EPB41L4A: variants seen among roughly 807,000 people sequenced by gnomAD.
EPB41L4A encodes band 4.1-like protein 4A.
EPB41L4A carries 100 observed loss-of-function variants against 108.6 expected under a neutral mutation model. The observed-to-expected ratio is 0.92, with a 90% CI of 0.78 to 1.09. The LOEUF (loss-of-function observed/expected upper bound fraction) is 1.09. Ranked by LOEUF, EPB41L4A falls within the 50% of genes least tolerant of loss-of-function variation. The probability of loss-of-function intolerance (pLI) is 0.00; values close to 1 mark genes in which losing one functional copy is unlikely to be tolerated. For synonymous variants in EPB41L4A, 319 were observed against 289.0 expected (o/e 1.10, Z -1.05); for missense variants, 1,030 against 842.7 (o/e 1.22, Z -2.75).
intron 1 of EPB41L4A, among the ~76,000 whole-genome samples, chr5:112,401,677 C>T (rs1476049240): frequency 6.6e-6 from 1 of 152,132 alleles, no homozygotes; most frequent in African/African-American, 2.4e-5. Context: ...TTTCCTCCTA[C>T]AACAGAAATC....
intron 6 of EPB41L4A, among the ~76,000 whole-genome samples, chr5:112,263,075 G>A (rs1230504079): frequency 1.3e-5 from 2 of 152,260 alleles, no homozygotes; most frequent in Admixed American, 6.5e-5. Flanking sequence ...ATTGATTAAC[G>A]TACAGAGATT....
intron 12 of EPB41L4A, among the ~76,000 whole-genome samples, chr5:112,149,837 T>C (rs1011929186): frequency 2.0e-5 from 3 of 152,192 alleles, no homozygotes; most frequent in Non-Finnish European, 4.4e-5. Context: ...AGCTGGGATT[T>C]GCCTGGGACA....
chr5:112,289,945 G>A (rs1269759919), intron 2 of EPB41L4A, among the ~76,000 whole-genome samples: 1 of 152,188 alleles, frequency 6.6e-6, no homozygotes, highest in Non-Finnish European at 1.5e-5. Context: ...CTTCATTCTT[G>A]TATTCAACAA....
intron 1 of EPB41L4A, among the ~76,000 whole-genome samples, chr5:112,336,340 T>A (rs1044986287): frequency 1.3e-5 from 2 of 151,926 alleles, no homozygotes; most frequent in African/African-American, 2.4e-5. Flanking sequence ...TTAGGTGGAG[T>A]AAGGCGCTTT....
intron 18 of EPB41L4A, among the ~76,000 whole-genome samples, chr5:112,173,126 T>A (rs7717160): frequency 0.74 from 111,905 of 152,134 alleles, 42,250 homozygotes; most frequent in East Asian, 1. Context: ...AAGCCAAGTT[T>A]TTGTAAAGAT....
intron 1 of EPB41L4A, among the ~76,000 whole-genome samples, chr5:112,363,927 A>G (rs1758949163): frequency 6.6e-6 from 1 of 152,240 alleles, no homozygotes; most frequent in African/African-American, 2.4e-5. Flanking sequence ...AAAATAGTCA[A>G]TAATGAAGTT....
At chr5:112,406,999 T>C (rs1341180434) in intron 1 of EPB41L4A, among the ~76,000 whole-genome samples, 1 of 152,080 alleles carries the variant, frequency 6.6e-6, no homozygotes, top group African/African-American at 2.4e-5. Flanking sequence ...TTGGGTAGCA[T>C]CGTGGGGCTG....
At chr5:112,235,547 C>A (rs1334995989) in intron 11 of EPB41L4A, among the ~76,000 whole-genome samples, 1 of 152,168 alleles carries the variant, frequency 6.6e-6, no homozygotes, top group Non-Finnish European at 1.5e-5. Context: ...ACCACAAGTA[C>A]AGCCATCTAT....
At chr5:112,254,096 T>C (rs1443046413) in intron 9 of EPB41L4A, among the ~76,000 whole-genome samples, 1 of 152,168 alleles carries the variant, frequency 6.6e-6, no homozygotes, top group Non-Finnish European at 1.5e-5. Context: ...CTGAGGTTAG[T>C]TTCCTGAGGT....
intron 15 of EPB41L4A, among the ~76,000 whole-genome samples, chr5:112,202,063 C>G (rs773747342): frequency 1.3e-5 from 2 of 152,128 alleles, no homozygotes; most frequent in Non-Finnish European, 2.9e-5. Context: ...CAGCTGGGTT[C>G]TAGTTAAGAG....
chr5:112,216,574 G>C (rs115315723), intron 12 of EPB41L4A, among the ~76,000 whole-genome samples: 2 of 151,946 alleles, frequency 1.3e-5, no homozygotes, highest in African/African-American at 4.8e-5. Flanking sequence ...GTTAAATCTT[G>C]TCCTACTTAA....
chr5:112,226,096 A>C (rs1462753518), intron 12 of EPB41L4A, among the ~76,000 whole-genome samples: 2 of 152,170 alleles, frequency 1.3e-5, no homozygotes, highest in Non-Finnish European at 2.9e-5. Flanking sequence ...TCAGATTGAC[A>C]CAAGCTCCAA....
Position 112,255,734 on chromosome 5 carries a change from A to T in EPB41L4A, c.795+3495T>A, listed in dbSNP as rs142827958. On this transcript the variant is annotated intron_variant, in intron 9 of 22. Coordinates refer to ENST00000261486, the MANE Select transcript of EPB41L4A (RefSeq NM_022140.5). ...GTGGCTTCAAAAAGTAGCAGATGCC[A>T]ATTTTATATATTCAAATTTATATAT... Among the ~76,000 whole-genome samples, 529 of 152,236 alleles carry T rather than the reference A, an allele frequency of 3.5e-3. 3 individuals carry two copies. The highest frequency in any genetic ancestry group is 0.012 in the African/African-American group (512 of 41,534).
chr5:112,377,243 G>C (rs1759880477), intron 1 of EPB41L4A, among the ~76,000 whole-genome samples: 1 of 150,596 alleles, frequency 6.6e-6, no homozygotes, highest in South Asian at 2.1e-4. Flanking sequence ...ACAATATGTG[G>C]AATCTTTGAG....
intron 12 of EPB41L4A, among the ~76,000 whole-genome samples, chr5:112,231,146 A>C (rs1748887142): frequency 6.6e-6 from 1 of 152,244 alleles, no homozygotes; most frequent in African/African-American, 2.4e-5. Context: ...GAAACAGCTT[A>C]AATATCCAAG....
At chr5:112,275,509 A>G in intron 3 of EPB41L4A, 105 bp from the exon 4 acceptor site, 1 of 1,289,992 alleles carries the variant, frequency 7.8e-7, no homozygotes, top group South Asian at 1.6e-5. Flanking sequence ...GATTGTCTAA[A>G]GAAACAAGAA....
chr5:112,261,575 A>C (rs767899178), intron 7 of EPB41L4A, among the ~76,000 whole-genome samples: 9 of 152,232 alleles, frequency 5.9e-5, no homozygotes, highest in Non-Finnish European at 1.0e-4. Context: ...GTAGCCTAAG[A>C]GAAGTAGCTC....
At chr5:112,244,504 G>A (rs569215077) in intron 9 of EPB41L4A, among the ~76,000 whole-genome samples, 34 of 152,292 alleles carry the variant, frequency 2.2e-4, no homozygotes, top group African/African-American at 8.2e-4. Flanking sequence ...AGAGACGTCT[G>A]AAAAAGGCTG....
Position 112,169,093 on chromosome 5 carries a change from G to C in EPB41L4A, c.1752C>G (p.Asp584Glu), listed in dbSNP as rs200738708. ...AATGAGAATGCCTGATGCGGATTGG[G>C]TCACCTTGTGTCCTGAACAAGCAAC... ...IPYTKIETQG[D>E]PIRIRHSHSP... is the part of the protein sequence containing the mutation. Residue 584 changes from aspartate (D) to glutamate (E), a missense_variant, in exon 21 of 23, where the codon GAC (aspartate) becomes GAG (glutamate). By Grantham distance (45) the Asp-to-Glu change is conservative. Coordinates refer to ENST00000261486, the MANE Select transcript of EPB41L4A (RefSeq NM_022140.5). The C allele has an allele frequency of 9.3e-6, 15 of 1,613,220 alleles. No homozygotes were observed. Among genetic ancestry groups the C allele is most frequent in the Non-Finnish European group, 1.3e-5 (15 of 1,179,312 alleles).
Sources: allele counts gnomAD v4.1 joint callset (sites outside exome capture counted in the v4.1 genomes callset), GRCh38; gene constraint gnomAD v4.1.1; transcripts MANE v1.5; gene names NCBI Gene and HGNC (gene_info 2026-07-23, HGNC 2026-07-21).